The following RAB3IP variants were observed in gnomAD, a reference collection of about 807,000 sequenced individuals.
The protein encoded by RAB3IP is rab-3A-interacting protein.
Under a neutral mutation model 59.1 loss-of-function variants are expected in RAB3IP, and 36 were observed. The ratio of observed to expected loss-of-function variants is 0.61; its 90% CI spans 0.47 to 0.80. The LOEUF is 0.80. Among genes scored for constraint, RAB3IP ranks in the 30% least tolerant of loss-of-function variants. The pLI is 0.00. For missense variants in RAB3IP, 511 were observed against 536.0 expected, an observed-to-expected ratio of 0.95 and a Z score of 0.46; for synonymous variants, 207 against 191.2, an observed-to-expected ratio of 1.08 and a Z score of -0.68.
chr12:69,761,832 A>G (rs1871354938), intron 3 of RAB3IP, among the ~76,000 whole-genome samples: 1 of 152,220 alleles, frequency 6.6e-6, no homozygotes, highest in South Asian at 2.1e-4. Flanking sequence ...TTATTCATTT[A>G]ACACTCTGAA....
At chr12:69,807,516 A>G (rs971872624) in intron 8 of RAB3IP, among the ~76,000 whole-genome samples, 1,177 of 47,804 alleles carry the variant, frequency 0.025, no homozygotes, top group African/African-American at 0.03. Context: ...GGGCAGAGGC[A>G]CTCCTCACCT....
intron 3 of RAB3IP, among the ~76,000 whole-genome samples, chr12:69,757,726 G>A (rs926671538): frequency 6.6e-6 from 1 of 152,076 alleles, no homozygotes; most frequent in Non-Finnish European, 1.5e-5. Flanking sequence ...TTAATCCCCA[G>A]TTCCTTCCCA....
In RAB3IP at chr12:69,817,339, T is replaced by C. The variant is rs1042755692; in HGVS notation, c.*1893T>C. On this transcript the variant is annotated 3_prime_UTR_variant, in exon 11 of 11. Coordinates refer to ENST00000247833, the MANE Select transcript of RAB3IP (RefSeq NM_022456.5). ...CAGGATGACGACTTGATGTAGAAAC[T>C]ATATGTGGAATTATAGATTAAAATG... 2 of 152,038 alleles carry C rather than the reference T, an allele frequency of 1.3e-5. No individual in the cohort carries two copies. Among genetic ancestry groups the C allele is most frequent in the Non-Finnish European group, 2.9e-5 (2 of 68,014 alleles). The allele number at this position is 152,038 out of a possible 1,614,324, so 9.4% of individuals were successfully genotyped here.
intron 1 of RAB3IP, among the ~76,000 whole-genome samples, chr12:69,740,854 A>C (rs550248418): frequency 6.6e-6 from 1 of 152,336 alleles, no homozygotes; most frequent in East Asian, 1.9e-4. Flanking sequence ...CAGTAGTTTT[A>C]TATGCATTAT....
At chr12:69,746,900 CTG>C (rs1262076619) in intron 1 of RAB3IP, among the ~76,000 whole-genome samples, 3 of 152,168 alleles carry the variant, frequency 2.0e-5, no homozygotes, top group African/African-American at 4.8e-5. Flanking sequence ...CCACAACTGT[CTG>C]TGAATAAATT....
At chr12:69,782,640 T>C (rs1874931077) in intron 3 of RAB3IP, among the ~76,000 whole-genome samples, 1 of 152,226 alleles carries the variant, frequency 6.6e-6, no homozygotes, top group South Asian at 2.1e-4. Context: ...TCTTTGTATA[T>C]TTTGGATAAC....
chr12:69,760,689 TA>T (rs1871170307), intron 3 of RAB3IP, among the ~76,000 whole-genome samples: 3 of 151,846 alleles, frequency 2.0e-5, no homozygotes, highest in Admixed American at 6.5e-5. Context: ...TTAAGATTGA[TA>T]ATTTTTTTTT....
intron 7 of RAB3IP, among the ~76,000 whole-genome samples, chr12:69,800,922 A>C (rs1878271929): frequency 6.6e-6 from 1 of 152,158 alleles, no homozygotes; most frequent in South Asian, 2.1e-4. Flanking sequence ...TAATCCTAAG[A>C]GTTTTATGTT....
At chr12:69,769,956 C>T (rs528535312) in intron 3 of RAB3IP, among the ~76,000 whole-genome samples, 159 of 152,076 alleles carry the variant, frequency 1.0e-3, no homozygotes, top group African/African-American at 3.7e-3. Context: ...AGTTGGGTTC[C>T]GTATTTGTGA....
chr12:69,775,876 T>G (rs1420608163), intron 3 of RAB3IP, among the ~76,000 whole-genome samples: 2 of 107,752 alleles, frequency 1.9e-5, no homozygotes, highest in Non-Finnish European at 2.0e-5. Context: ...AAAATTCTCT[T>G]TTTTGATTGT....
Position 69,810,741 on chromosome 12 carries a change from T to TG in RAB3IP, c.1131-2036dup, listed in dbSNP as rs1446565787. 1.6e-4 allele frequency among the ~76,000 whole-genome samples: 24 copies of TG among 152,264 alleles called. 1 individual carries two copies. Among genetic ancestry groups the TG allele is most frequent in the African/African-American group, 5.8e-4 (24 of 41,566 alleles). On this transcript the variant is annotated intron_variant, in intron 8 of 10. Coordinates refer to ENST00000247833, the MANE Select transcript of RAB3IP (RefSeq NM_022456.5). ...AGTTAGAGATATCTGACTGGAAGAC[T>TG]GATTTGAAGTGATTGTGGAAATTAA...
At chr12:69,741,697 G>T in intron 1 of RAB3IP, among the ~76,000 whole-genome samples, 1 of 152,170 alleles carries the variant, frequency 6.6e-6, no homozygotes, top group East Asian at 1.9e-4. Context: ...TTTGCTCAAC[G>T]TCACATAGTT....
At chr12:69,749,600 G>C (rs1868903646) in intron 1 of RAB3IP, among the ~76,000 whole-genome samples, 1 of 152,224 alleles carries the variant, frequency 6.6e-6, no homozygotes, top group Non-Finnish European at 1.5e-5. Flanking sequence ...TTGTGCTCCA[G>C]CTAATGGAGT....
At chr12:69,759,055 G>C (rs1186531311) in intron 3 of RAB3IP, among the ~76,000 whole-genome samples, 4 of 150,580 alleles carry the variant, frequency 2.7e-5, no homozygotes, top group Non-Finnish European at 5.9e-5. Context: ...CAGGGTCATA[G>C]GACAATAGTG....
intron 3 of RAB3IP, among the ~76,000 whole-genome samples, chr12:69,772,535 T>C (rs1565893459): frequency 6.6e-6 from 1 of 152,196 alleles, no homozygotes; most frequent in Non-Finnish European, 1.5e-5. Flanking sequence ...AGTAATATGT[T>C]TTGACACCTT....
rs542661482 is a variant in RAB3IP at position 69,801,279 on chromosome 12, A to G, written c.1018-330A>G. Among the ~76,000 whole-genome samples, 13 of 152,360 alleles carry G rather than the reference A, an allele frequency of 8.5e-5. No homozygotes were observed. The South Asian group carries it at 2.5e-3, about 29-fold the overall frequency. Reference sequence around the variant, plus strand: ...TAAAAATATTGTATATATTTAGCAGAATAAAGCTTTAGGATATTCATTTTG... The same window carrying G: ...TAAAAATATTGTATATATTTAGCAGGATAAAGCTTTAGGATATTCATTTTG... On this transcript the variant is annotated intron_variant, in intron 7 of 10. Transcript: ENST00000247833.
At chr12:69,798,433 C>G (rs1198391667) in intron 6 of RAB3IP, among the ~76,000 whole-genome samples, 2 of 151,386 alleles carry the variant, frequency 1.3e-5, no homozygotes, top group Non-Finnish European at 3.0e-5. Flanking sequence ...AGCCCTTTGT[C>G]AGATGAGTAG....
intron 4 of RAB3IP, among the ~76,000 whole-genome samples, chr12:69,793,270 A>G (rs954547681): frequency 1.3e-5 from 2 of 152,204 alleles, no homozygotes; most frequent in African/African-American, 4.8e-5. Context: ...AACTAGTATA[A>G]GCTGCAAATT....
At chr12:69,814,895 C>G (rs1880956895) in intron 10 of RAB3IP, among the ~76,000 whole-genome samples, 1 of 152,188 alleles carries the variant, frequency 6.6e-6, no homozygotes, top group African/African-American at 2.4e-5. Flanking sequence ...CTTTCTGTTA[C>G]TTCTCACAAC....
Sources: allele counts gnomAD v4.1 joint callset (sites outside exome capture counted in the v4.1 genomes callset), GRCh38; gene constraint gnomAD v4.1.1; transcripts MANE v1.5; gene names NCBI Gene and HGNC (gene_info 2026-07-23, HGNC 2026-07-21).